The following CNTN4 variants were observed in gnomAD, a reference collection of about 807,000 sequenced individuals.
The protein encoded by CNTN4 is contactin 4.
Under a neutral mutation model 122.5 loss-of-function variants are expected in CNTN4, and 77 were observed. That is an observed-to-expected ratio of 0.63 (90% CI 0.52 to 0.76). The LOEUF is 0.76. Ranked by LOEUF, CNTN4 falls within the 30% of genes least tolerant of loss-of-function variation. CNTN4 has a pLI of 0.00. For synonymous variants in CNTN4, 512 were observed against 447.0 expected (o/e 1.15, Z -1.83); for missense variants, 1,256 against 1,259.1 (o/e 1.00, Z 0.04).
chr3:2,413,734 G>C (rs1008778092), intron 3 of CNTN4, among the ~76,000 whole-genome samples: 10 of 152,010 alleles, frequency 6.6e-5, no homozygotes, highest in Admixed American at 6.6e-4. Flanking sequence ...AGTAGAGACG[G>C]GGTTTCACCA....
At chr3:2,131,900 A>T (rs760610212) in intron 2 of CNTN4, among the ~76,000 whole-genome samples, 1 of 152,046 alleles carries the variant, frequency 6.6e-6, no homozygotes, top group Non-Finnish European at 1.5e-5. Flanking sequence ...TACATCTCCC[A>T]ATTTACCTAG....
chr3:2,197,657 T>G (rs1249973159), intron 2 of CNTN4, among the ~76,000 whole-genome samples: 1 of 152,094 alleles, frequency 6.6e-6, no homozygotes, highest in South Asian at 2.1e-4. Flanking sequence ...AGCTGTATCC[T>G]AAATAAAAAA....
chr3:2,795,181 C>T (rs767567638), intron 6 of CNTN4, among the ~76,000 whole-genome samples: 3 of 152,100 alleles, frequency 2.0e-5, no homozygotes, highest in Non-Finnish European at 2.9e-5. Flanking sequence ...GATTAAATAA[C>T]CCGAAAAAGT....
Position 2,795,681 on chromosome 3 carries a change from C to T in CNTN4, c.359-23805C>T, listed in dbSNP as rs951504707. Among the ~76,000 whole-genome samples, 8 of 152,094 alleles carry T rather than the reference C, an allele frequency of 5.3e-5. No homozygotes were observed. In the East Asian group the frequency reaches 1.6e-3, roughly 29 times the overall value. On this transcript the variant is annotated intron_variant, in intron 6 of 24. Transcript: ENST00000418658. ...GACCACAGGCGCCCAAGACCACGCTCAGCTAATTTTTTGTATTTTTAGTAG... is the reference window on the plus strand; with the variant it reads ...GACCACAGGCGCCCAAGACCACGCTTAGCTAATTTTTTGTATTTTTAGTAG...
In CNTN4 at chr3:2,924,457, A is replaced by G. The variant is rs145983658; in HGVS notation, c.1208-1172A>G. ...CAATGAGTCAGGCTTTTAAAATATG[A>G]TAAAATTAAGATTCCAAGAAATGAA... On this transcript the variant is annotated intron_variant, in intron 12 of 24. Coordinates refer to ENST00000418658, the MANE Select transcript of CNTN4 (RefSeq NM_175607.3). 7.9e-5 allele frequency among the ~76,000 whole-genome samples: 12 copies of G among 152,344 alleles called. No homozygotes were observed. The East Asian group carries it at 1.9e-3, about 24-fold the overall frequency.
chr3:2,254,121 T>C (rs561766947), intron 2 of CNTN4, among the ~76,000 whole-genome samples: 2 of 148,172 alleles, frequency 1.3e-5, no homozygotes, highest in African/African-American at 2.5e-5. Context: ...CTCCCACTTA[T>C]GAGTGAGAAC....
intron 3 of CNTN4, among the ~76,000 whole-genome samples, chr3:2,504,047 C>A (rs889176749): frequency 1.3e-5 from 2 of 151,538 alleles, no homozygotes; most frequent in Admixed American, 6.6e-5. Context: ...GTGAAAAATG[C>A]TAGAACAAAA....
intron 10 of CNTN4, among the ~76,000 whole-genome samples, chr3:2,895,809 C>A (rs56088573): frequency 1.3e-5 from 2 of 152,066 alleles, no homozygotes; most frequent in South Asian, 2.1e-4. Context: ...CCGAGGCGGG[C>A]GGATCACAAG....
intron 3 of CNTN4, among the ~76,000 whole-genome samples, chr3:2,530,343 T>C (rs1399218969): frequency 1.4e-5 from 2 of 143,512 alleles, no homozygotes; most frequent in African/African-American, 5.2e-5. Flanking sequence ...TGAGTCTCAC[T>C]CTGTCACCAG....
At chr3:2,263,973 A>C (rs2040942011) in intron 2 of CNTN4, among the ~76,000 whole-genome samples, 1 of 152,142 alleles carries the variant, frequency 6.6e-6, no homozygotes, top group Non-Finnish European at 1.5e-5. Context: ...ATAATATTCC[A>C]TTGTGTGTAG....
chr3:2,720,918 C>G (rs1249273860), intron 4 of CNTN4, among the ~76,000 whole-genome samples: 6 of 152,090 alleles, frequency 3.9e-5, no homozygotes, highest in Non-Finnish European at 8.8e-5. Flanking sequence ...GATTTTGAAC[C>G]CAGGCACTGT....
chr3:2,452,973 T>C (rs1374605716), intron 3 of CNTN4, among the ~76,000 whole-genome samples: 2 of 152,300 alleles, frequency 1.3e-5, no homozygotes, highest in Middle Eastern at 3.4e-3. Flanking sequence ...GGTTGTACTT[T>C]ACAATGATTT....
chr3:2,295,285 G>T (rs1454942363), intron 2 of CNTN4, among the ~76,000 whole-genome samples: 2 of 142,588 alleles, frequency 1.4e-5, no homozygotes, highest in African/African-American at 5.4e-5. Flanking sequence ...CTAGTTTACA[G>T]TCCCACCAAC....
intron 14 of CNTN4, among the ~76,000 whole-genome samples, chr3:2,995,168 C>T (rs1233600169): frequency 6.6e-6 from 1 of 151,950 alleles, no homozygotes; most frequent in Non-Finnish European, 1.5e-5. Flanking sequence ...ATCTGTCACC[C>T]TGGAGTTGGT....
intron 3 of CNTN4, among the ~76,000 whole-genome samples, chr3:2,525,989 C>T (rs1473486983): frequency 6.6e-6 from 1 of 152,116 alleles, no homozygotes; most frequent in East Asian, 1.9e-4. Flanking sequence ...TATCACACAT[C>T]TTACAGTACA....
intron 2 of CNTN4, among the ~76,000 whole-genome samples, chr3:2,296,105 G>C (rs9828497): frequency 0.31 from 47,568 of 151,840 alleles, 7,957 homozygotes; most frequent in East Asian, 0.57. Context: ...TTGAAGTCAG[G>C]TAGCGTGATG....
chr3:2,730,557 C>T (rs28501106), intron 4 of CNTN4, among the ~76,000 whole-genome samples: 6 of 152,224 alleles, frequency 3.9e-5, no homozygotes, highest in African/African-American at 1.4e-4. Flanking sequence ...GGATTGTTCA[C>T]AGATGCCCTG....
intron 3 of CNTN4, among the ~76,000 whole-genome samples, chr3:2,556,697 T>G (rs1016136391): frequency 1.3e-5 from 2 of 152,132 alleles, no homozygotes; most frequent in Admixed American, 6.6e-5. Context: ...TGTGTGTATA[T>G]GTATATAATA....
intron 6 of CNTN4, among the ~76,000 whole-genome samples, chr3:2,750,699 T>C (rs1490960650): frequency 2.0e-5 from 3 of 152,186 alleles, no homozygotes; most frequent in Non-Finnish European, 4.4e-5. Context: ...CCATACCCTT[T>C]CTACCTTTTA....
Sources: allele counts gnomAD v4.1 joint callset (sites outside exome capture counted in the v4.1 genomes callset), GRCh38; gene constraint gnomAD v4.1.1; transcripts MANE v1.5; gene names NCBI Gene and HGNC (gene_info 2026-07-23, HGNC 2026-07-21).